Variants in SECTM1 observed in about 807,000 individuals in gnomAD.
SECTM1 encodes the protein secreted and transmembrane 1.
A neutral mutation model predicts 18.1 loss-of-function variants in SECTM1; 10 were observed. The ratio of observed to expected loss-of-function variants is 0.55; its 90% CI spans 0.34 to 0.94. The LOEUF (loss-of-function observed/expected upper bound fraction) is 0.94, where lower values mean the gene tolerates loss of function less well. Among genes scored for constraint, SECTM1 ranks in the 40% least tolerant of loss-of-function variants. The pLI is 0.02. For missense variants in SECTM1, 297 were observed against 322.6 expected, an observed-to-expected ratio of 0.92 and a Z score of 0.61; for synonymous variants, 137 against 139.2, an observed-to-expected ratio of 0.98 and a Z score of 0.11.
intron 3 of SECTM1, 55 bp downstream of exon 3, chr17:82,324,527 C>CCCCCCCCT: frequency 3.6e-6 from 3 of 829,204 alleles, no homozygotes; most frequent in Admixed American, 2.8e-5. Context: ...GCCCCCTCCC[C>CCCCCCCCT]TCCCCGTGTC....
chr17:82,322,159 G>C lies in SECTM1; in HGVS notation c.*2C>G, dbSNP rs376544793. On this transcript the variant is annotated 3_prime_UTR_variant, in exon 5 of 5. Coordinates refer to ENST00000269389, the MANE Select transcript of SECTM1 (RefSeq NM_003004.3). ...CCTGTGTCCTCTCTGCCTTGCAGGCGGCTATGGGTCTGCGGCATATGGAAA... is the reference window on the plus strand; with the variant it reads ...CCTGTGTCCTCTCTGCCTTGCAGGCCGCTATGGGTCTGCGGCATATGGAAA... 6 of 1,613,532 alleles carry C rather than the reference G, an allele frequency of 3.7e-6. No homozygotes were observed. In the African/African-American group the frequency reaches 8.0e-5, roughly 22 times the overall value.
rs770601507 is a variant in SECTM1, at chr17:82,322,928, G to C, written c.487C>G (p.Leu163Val). The part of the protein sequence containing the change: ...VTAVFILLVA[L>V]VMFAWYRCRC... ...CACCTGTACCAGGCGAACATGACCA[G>C]AGCGACCAAGAGGATGAAGACAGCA... The change falls in exon 4 of 5, where the codon CTG (leucine) becomes GTG (valine). Residue 163 changes from leucine to valine, a missense_variant. Physicochemically the swap from Leu to Val is conservative, Grantham distance 32 (BLOSUM62 1). Coordinates refer to ENST00000269389, the MANE Select transcript of SECTM1 (RefSeq NM_003004.3). 6.2e-7 allele frequency: 1 copy of C among 1,613,912 alleles called. No individual in the cohort carries two copies. Among genetic ancestry groups the C allele is most frequent in the Non-Finnish European group, 8.5e-7 (1 of 1,179,992 alleles).
In SECTM1 at chr17:82,330,292, G is replaced by T. The variant is rs965822608; in HGVS notation, c.-52-3000C>A. Among the ~76,000 whole-genome samples, 1 of 152,154 alleles carries T rather than the reference G, an allele frequency of 6.6e-6. No individual in the cohort carries two copies. The highest frequency in any genetic ancestry group is 2.4e-5 in the African/African-American group (1 of 41,434). On this transcript the variant is annotated intron_variant, in intron 1 of 4. Transcript: ENST00000269389. The surrounding 1 kb of genome is among the most constrained non-coding windows in gnomAD (Gnocchi z 6.1). ...TCCCCAGGCTGCTCTGGGGAGTCCT[G>T]CCCTCACCTGGAGCCTGGAGGCCAT... is the stretch of plus-strand genomic sequence containing the variant.
Position 82,329,016 on chromosome 17 carries a change from T to C in SECTM1, c.-52-1724A>G, listed in dbSNP as rs778939388. 4.6e-5 allele frequency among the ~76,000 whole-genome samples: 7 copies of C among 152,180 alleles called. No individual in the cohort carries two copies. Among genetic ancestry groups the C allele is most frequent in the Admixed American group, 3.3e-4 (5 of 15,288 alleles). On this transcript the variant is annotated intron_variant, in intron 1 of 4. Coordinates refer to ENST00000269389, the MANE Select transcript of SECTM1 (RefSeq NM_003004.3). This position sits in a 1 kb window ranked among gnomAD's most constrained non-coding sequence, Gnocchi z 7.6. The stretch of plus-strand genomic sequence containing the variant: ...CTATAGATTTATAGATGTGTGTTTC[T>C]CCAAACAAATAAACCACCAGAAAGT...
At chr17:82,333,388 C>T (rs1399524499) in intron 1 of SECTM1, among the ~76,000 whole-genome samples, 1 of 152,130 alleles carries the variant, frequency 6.6e-6, no homozygotes, top group Non-Finnish European at 1.5e-5. Context: ...GGTCCCCACA[C>T]CGGCCGGCAG....
At position 82,329,630 on chromosome 17, in the gene SECTM1, C is replaced by T. The variant is rs961842605; in HGVS notation, c.-52-2338G>A. On this transcript the variant is annotated intron_variant, in intron 1 of 4. Coordinates refer to ENST00000269389, the MANE Select transcript of SECTM1 (RefSeq NM_003004.3). This position sits in a 1 kb window ranked among gnomAD's most constrained non-coding sequence, Gnocchi z 7.6. ...GGCTCGGGCCCCATCTCCCATCATA[C>T]GTCCAGCATTCTAGATTAGCTGGAA... Among the ~76,000 whole-genome samples, 1 of 152,050 alleles carries T rather than the reference C, an allele frequency of 6.6e-6. No homozygotes were observed. Among genetic ancestry groups the T allele is most frequent in the Non-Finnish European group, 1.5e-5 (1 of 67,986 alleles).
chr17:82,330,962 C>T lies in SECTM1; in HGVS notation c.-53+2738G>A, dbSNP rs751793112. Among the ~76,000 whole-genome samples the T allele has an allele frequency of 3.9e-5, 6 of 152,188 alleles. No individual in the cohort carries two copies. Among genetic ancestry groups the T allele is most frequent in the Admixed American group, 6.5e-5 (1 of 15,276 alleles). On this transcript the variant is annotated intron_variant, in intron 1 of 4. Transcript: ENST00000269389. This position sits in a 1 kb window ranked among gnomAD's most constrained non-coding sequence, Gnocchi z 6.1. ...CCTTTAGCCCAACTGTGGTGGCGGC[C>T]GCTGCTTCTCACACGCGGGTCCTCT...
In SECTM1 at chr17:82,323,000, G is replaced by A. The variant is rs1444890587; in HGVS notation, c.415C>T (p.Gln139Ter). ...VTLEVSGAEP[Q>*]SAPDTGFWPV... Reference sequence around the variant, plus strand: ...CAGAACCCAGTGTCGGGGGCGGACTGGGGTTCTGCACCTGAAGGAGGCAGT... The same window carrying A: ...CAGAACCCAGTGTCGGGGGCGGACTAGGGTTCTGCACCTGAAGGAGGCAGT... Residue 139 changes from glutamine (Q) to a stop codon, truncating the protein, a stop_gained, in exon 4 of 5, where the codon CAG becomes TAG. Transcript: ENST00000269389. LOFTEE classifies it high-confidence loss of function. 11 of 1,612,312 alleles carry A rather than the reference G, an allele frequency of 6.8e-6. No homozygotes were observed.
In SECTM1 at chr17:82,325,104, G is replaced by A. The variant is rs952393604; in HGVS notation, c.95-214C>T. Among the ~76,000 whole-genome samples the A allele has an allele frequency of 6.6e-6, 1 of 151,964 alleles. No individual in the cohort carries two copies. The highest frequency in any genetic ancestry group is 2.4e-5 in the African/African-American group (1 of 41,380). The stretch of plus-strand genomic sequence containing the variant: ...GACGGGTGGCTCTGTGTGTGTGTAT[G>A]TGTGTGTGTGTGCGTGCTCACACCC... On this transcript the variant is annotated intron_variant, in intron 2 of 4. Coordinates refer to ENST00000269389, the MANE Select transcript of SECTM1 (RefSeq NM_003004.3). The surrounding 1 kb of genome is among the most constrained non-coding windows in gnomAD (Gnocchi z 7.6).
chr17:82,323,155 G>C (rs2052112446), intron 3 of SECTM1, 144 bp from the exon 4 acceptor site: 1 of 972,940 alleles, frequency 1.0e-6, no homozygotes, highest in African/African-American at 1.6e-5. Flanking sequence ...TTGCCCAGGA[G>C]GTACAGGGGT....
Position 82,321,923 on chromosome 17 carries a change from A to G in SECTM1, c.*238T>C. On this transcript the variant is annotated 3_prime_UTR_variant, in exon 5 of 5. Transcript: ENST00000269389. ...AGAGGGAGGGGCATGCGTCCTGGTA[A>G]GTCGGGTGCTGCGGAGGTGAGGTGG... 1 of 539,430 alleles carries G rather than the reference A, an allele frequency of 1.9e-6. No individual in the cohort carries two copies. Among genetic ancestry groups the G allele is most frequent in the South Asian group, 2.1e-5 (1 of 47,864 alleles). The allele number at this position is 539,430 out of a possible 1,614,324, so 33.4% of individuals were successfully genotyped here.
Position 82,322,193 on chromosome 17 carries a change from G to T in SECTM1, c.715C>A (p.Gln239Lys), listed in dbSNP as rs1326855325. 1.2e-6 allele frequency: 2 copies of T among 1,613,422 alleles called. No individual in the cohort carries two copies. The highest frequency in any genetic ancestry group is 8.5e-7 in the Non-Finnish European group (1 of 1,179,638). Residue 239 changes from glutamine (Q) to lysine (K), a missense_variant, in exon 5 of 5, where the codon CAA becomes AAA. Gln to Lys is a moderately conservative substitution (Grantham distance 53, BLOSUM62 1). Coordinates refer to ENST00000269389, the MANE Select transcript of SECTM1 (RefSeq NM_003004.3). ...PLGALELLSP[Q>K]PLFPYAADP ...TCTGCGGCATATGGAAACAAGGGTT[G>T]GGGGGACAGCAGCTCCAGGGCTCCA...
chr17:82,323,079 G>A (rs2052111593), intron 3 of SECTM1, 68 bp from the exon 4 acceptor site: 2 of 1,506,688 alleles, frequency 1.3e-6, no homozygotes, highest in Non-Finnish European at 1.8e-6. Context: ...CCTCCGTGTA[G>A]CTCCCAGCCT....
Position 82,322,057 on chromosome 17 carries a change from A to G in SECTM1, c.*104T>C. 5.3e-6 allele frequency: 6 copies of G among 1,128,684 alleles called. No homozygotes were observed. The highest frequency in any genetic ancestry group is 6.5e-6 in the Non-Finnish European group (5 of 764,826). 69.9% of individuals were successfully genotyped at this position (1,128,684 alleles called of 1,614,324 possible). ...ACACAGAGGCCCAGCCTGCCAAGCA[A>G]GCCGGTGTCTGTGCCCTCCGGGTGG... is the stretch of plus-strand genomic sequence containing the variant. On this transcript the variant is annotated 3_prime_UTR_variant, in exon 5 of 5. Coordinates refer to ENST00000269389, the MANE Select transcript of SECTM1 (RefSeq NM_003004.3).
chr17:82,324,510 T>TCCCCCC, intron 3 of SECTM1, 72 bp downstream of exon 3: 2 of 174,026 alleles, frequency 1.1e-5, no homozygotes, highest in South Asian at 9.5e-5. Context: ...GCCCTCCCCC[T>TCCCCCC]GCCCAGGCCC....
At chr17:82,332,237 T>C (rs1478575048) in intron 1 of SECTM1, among the ~76,000 whole-genome samples, 4 of 152,214 alleles carry the variant, frequency 2.6e-5, no homozygotes, top group Non-Finnish European at 5.9e-5. Flanking sequence ...GGTCGGTATC[T>C]GAGGCGCCGG....
rs73999880 is a variant in SECTM1 at position 82,328,217 on chromosome 17, A to G, written c.-52-925T>C. On this transcript the variant is annotated intron_variant, in intron 1 of 4. Coordinates refer to ENST00000269389, the MANE Select transcript of SECTM1 (RefSeq NM_003004.3). This position sits in a 1 kb window ranked among gnomAD's most constrained non-coding sequence, Gnocchi z 5.8. Reference sequence around the variant, plus strand: ...GCCATCTTGTCTCAGGCCTGCAAACACTAGGGGCCCCCTAGCTGTGTGGCT... The same window carrying G: ...GCCATCTTGTCTCAGGCCTGCAAACGCTAGGGGCCCCCTAGCTGTGTGGCT... 0.061 allele frequency: 9,275 copies of G among 151,990 alleles called. 385 individuals carry two copies. Among genetic ancestry groups the G allele is most frequent in the African/African-American group, 0.11 (4,482 of 41,438 alleles). The allele number at this position is 151,990 out of a possible 1,614,324, so 9.4% of individuals were successfully genotyped here. A position where few individuals can be genotyped will look rare whatever the true frequency, so the allele number is the denominator to read the frequency against.
rs749402947 is a variant in SECTM1 at position 82,321,577 on chromosome 17, AGCC to A, written c.*581_*583del. On this transcript the variant is annotated 3_prime_UTR_variant, in exon 5 of 5. Transcript: ENST00000269389. ...GGCGTCCACCTGACCCCCCAGCCCGAGCCGCCGCCGCCGCCTCCCAGCCCGGCC... is the reference window on the plus strand; with the variant it reads ...GGCGTCCACCTGACCCCCCAGCCCGAGCCGCCGCCGCCTCCCAGCCCGGCC... The A allele has an allele frequency of 4.9e-3, 759 of 153,590 alleles. 3 individuals are homozygous for A. Among genetic ancestry groups the A allele is most frequent in the Middle Eastern group, 6.8e-3 (2 of 294 alleles). The allele number at this position is 153,590 out of a possible 1,614,324, so 9.5% of individuals were successfully genotyped here.
chr17:82,330,016 G>A lies in SECTM1; in HGVS notation c.-52-2724C>T, dbSNP rs1452930519. Among the ~76,000 whole-genome samples, 1 of 152,140 alleles carries A rather than the reference G, an allele frequency of 6.6e-6. No individual in the cohort carries two copies. The highest frequency in any genetic ancestry group is 2.4e-5 in the African/African-American group (1 of 41,430). ...CTTTGGGGACTGGTAGCCGACCACA[G>A]AACCCCCACCCCCAGTGCGGTGGGA... On this transcript the variant is annotated intron_variant, in intron 1 of 4. Transcript: ENST00000269389. This position sits in a 1 kb window ranked among gnomAD's most constrained non-coding sequence, Gnocchi z 6.1.
Sources: gnomAD v4.1 joint callset for allele counts (sites outside exome capture counted in the v4.1 genomes callset) on GRCh38, gnomAD v4.1.1 for gene constraint, Gnocchi (gnomAD v3.1) non-coding constraint, MANE v1.5 for transcripts, NCBI Gene and HGNC (gene_info 2026-07-23, HGNC 2026-07-21) for gene names.